KLHL1: variants seen among roughly 807,000 people sequenced by gnomAD.
The protein encoded by KLHL1 is kelch-like protein 1.
In KLHL1, 47 loss-of-function variants were observed where a neutral mutation model predicts 77.7. That is an observed-to-expected ratio of 0.60 (90% confidence interval 0.48 to 0.77). KLHL1 has a LOEUF of 0.77. Ranked by LOEUF, KLHL1 falls within the 30% of genes least tolerant of loss-of-function variation. KLHL1 has a pLI of 0.00. For missense variants in KLHL1, 925 were observed against 910.8 expected (o/e 1.02, Z -0.20); for synonymous variants, 360 against 325.2 (o/e 1.11, Z -1.15).
intron 7 of KLHL1, among the ~76,000 whole-genome samples, chr13:69,746,477 A>G (rs962149644): frequency 6.6e-6 from 1 of 152,038 alleles, no homozygotes; most frequent in Admixed American, 6.6e-5. Flanking sequence ...TTAATCAGCT[A>G]CACTAAGGTT....
intron 6 of KLHL1, among the ~76,000 whole-genome samples, chr13:69,827,729 CAAAAAAAAAAA>C (rs58504097): frequency 0.02 from 1,497 of 73,056 alleles, 28 homozygotes; most frequent in African/African-American, 0.061. Flanking sequence ...GACCCTGTCT[CAAAAAAAAAAA>C]AAAAAAAAAA....
rs938721706 is a variant in KLHL1 at position 70,041,000 on chromosome 13, G to A, written c.498-65198C>T. Among the ~76,000 whole-genome samples, 2 of 151,848 alleles carry A rather than the reference G, an allele frequency of 1.3e-5. 1 individual carries two copies. Among genetic ancestry groups the A allele is most frequent in the Admixed American group, 1.3e-4 (2 of 15,246 alleles). On this transcript the variant is annotated intron_variant, in intron 1 of 10. Transcript: ENST00000377844. ...TTATTTTCATGTTCAGAAATTCTTC[G>A]TTTGACATCTCCACTTTGTTAATGA...
At position 70,107,850 on chromosome 13, in the gene KLHL1, C is replaced by A. The variant is rs1231133925; in HGVS notation, c.-151G>T. ...CAGAAGACGCTAGGTGGGCTGCGCG[C>A]TCTGCCAGGCGAAGGCTGGAGCGCA... On this transcript the variant is annotated 5_prime_UTR_variant, in exon 1 of 11. Coordinates refer to ENST00000377844, the MANE Select transcript of KLHL1 (RefSeq NM_020866.3). 5 of 610,554 alleles carry A rather than the reference C, an allele frequency of 8.2e-6. No individual in the cohort carries two copies. Among genetic ancestry groups the A allele is most frequent in the Non-Finnish European group, 1.3e-5 (5 of 370,624 alleles). The allele number at this position is 610,554 out of a possible 1,614,324, so 37.8% of individuals were successfully genotyped here. A position where few individuals can be genotyped will look rare whatever the true frequency, so the allele number is the denominator to read the frequency against.
At chr13:69,803,659 G>C (rs999961619) in intron 6 of KLHL1, among the ~76,000 whole-genome samples, 8 of 152,202 alleles carry the variant, frequency 5.3e-5, no homozygotes, top group African/African-American at 1.9e-4. Flanking sequence ...GCTAGTGGTA[G>C]ATGGGGAAGG....
intron 8 of KLHL1, among the ~76,000 whole-genome samples, chr13:69,724,435 A>G (rs9542050): frequency 0.99 from 150,670 of 152,096 alleles, 74,643 homozygotes; most frequent in East Asian, 1. Context: ...AAGAATTAAT[A>G]CTAATTCTTC....
intron 1 of KLHL1, among the ~76,000 whole-genome samples, chr13:70,054,984 G>A (rs551764762): frequency 5.4e-5 from 8 of 149,004 alleles, no homozygotes; most frequent in South Asian, 2.2e-4. Context: ...AGGAGATAGA[G>A]ACATAAATTG....
At chr13:69,899,844 A>G (rs952253397) in intron 4 of KLHL1, among the ~76,000 whole-genome samples, 2 of 152,048 alleles carry the variant, frequency 1.3e-5, no homozygotes, top group African/African-American at 2.4e-5. Context: ...GCTCTCCACA[A>G]TCTGGTAGAC....
In KLHL1 at chr13:70,107,454, C is replaced by T. The variant is rs1259294910; in HGVS notation, c.246G>A (p.Pro82=). 1.2e-6 allele frequency: 2 copies of T among 1,613,996 alleles called. No homozygotes were observed. Among genetic ancestry groups the T allele is most frequent in the Middle Eastern group, 1.6e-4 (1 of 6,062 alleles). The change falls in exon 1 of 11, where the codon CCG becomes CCA. Residue 82 remains proline (P), a synonymous_variant. Coordinates refer to ENST00000377844, the MANE Select transcript of KLHL1 (RefSeq NM_020866.3). Reference sequence around the variant, plus strand: ...GATTGAAGGAAGAGGAGGAAGAGGACGGGGAGGACGATGAAGAGGAAGAGG... The same window carrying T: ...GATTGAAGGAAGAGGAGGAAGAGGATGGGGAGGACGATGAAGAGGAAGAGG... ...PSSSSSSSSS[P]SSSSSSFNPL... is the part of the protein sequence containing the mutation.
At chr13:69,892,904 A>T (rs902042469) in intron 4 of KLHL1, among the ~76,000 whole-genome samples, 1 of 152,240 alleles carries the variant, frequency 6.6e-6, no homozygotes, top group Admixed American at 6.5e-5. Context: ...CCACAGAAGC[A>T]TGTAAAATTT....
chr13:69,955,879 TTA>T lies in KLHL1; in HGVS notation c.817+5427_817+5428del, dbSNP rs564124542. On this transcript the variant is annotated intron_variant, in intron 3 of 10. Coordinates refer to ENST00000377844, the MANE Select transcript of KLHL1 (RefSeq NM_020866.3). ...TGAGAAAATACTAGCATATATATAT[TTA>T]TATATATATTTGATATATTTATATA... is the stretch of plus-strand genomic sequence containing the variant. 9.4e-3 allele frequency among the ~76,000 whole-genome samples: 1,338 copies of T among 141,610 alleles called. 25 individuals are homozygous for T. The highest frequency in any genetic ancestry group is 0.03 in the African/African-American group (1,180 of 38,766). 92.9% of individuals were successfully genotyped at this position (141,610 alleles called of 152,430 possible). A position where few individuals can be genotyped will look rare whatever the true frequency, so the allele number is the denominator to read the frequency against.
intron 1 of KLHL1, among the ~76,000 whole-genome samples, chr13:70,084,764 T>G (rs961924228): frequency 1.3e-5 from 2 of 150,918 alleles, no homozygotes; most frequent in African/African-American, 4.9e-5. Flanking sequence ...CGTGAGCCAC[T>G]GCGCCGGGCC....
chr13:69,972,746 G>A (rs1190884644), intron 2 of KLHL1, among the ~76,000 whole-genome samples: 1 of 151,726 alleles, frequency 6.6e-6, no homozygotes, highest in Non-Finnish European at 1.5e-5. Context: ...TGGCTAAGGG[G>A]GAAGAAAACT....
chr13:69,963,877 T>TAA (rs60633551), intron 2 of KLHL1, among the ~76,000 whole-genome samples: 12 of 151,900 alleles, frequency 7.9e-5, no homozygotes, highest in South Asian at 4.1e-4. Flanking sequence ...TGGCAAAAAA[T>TAA]AAAAAAACAT....
At chr13:69,837,258 G>T (rs1240001833) in intron 6 of KLHL1, among the ~76,000 whole-genome samples, 7 of 151,576 alleles carry the variant, frequency 4.6e-5, no homozygotes, top group African/African-American at 1.7e-4. Context: ...ATGTATGTGG[G>T]TGCTAATGGT....
rs529312656 is a variant in KLHL1 at position 69,700,813 on chromosome 13, C to G, written c.*889G>C. 2 of 152,388 alleles carry G rather than the reference C, an allele frequency of 1.3e-5. No individual in the cohort carries two copies. Among genetic ancestry groups the G allele is most frequent in the African/African-American group, 4.8e-5 (2 of 41,522 alleles). 9.4% of individuals were successfully genotyped at this position (152,388 alleles called of 1,614,324 possible). ...TCATAAACACTCCAACTTAATGGAT[C>G]ATATGTTTTTCTTTTGAAATTCTAA... On this transcript the variant is annotated 3_prime_UTR_variant, in exon 11 of 11. Transcript: ENST00000377844.
At chr13:69,994,594 A>G (rs1396448077) in intron 1 of KLHL1, among the ~76,000 whole-genome samples, 2 of 152,128 alleles carry the variant, frequency 1.3e-5, no homozygotes, top group Non-Finnish European at 2.9e-5. Context: ...ACAGTATTGT[A>G]CTAATGTATA....
At chr13:69,733,438 G>T (rs1462139300) in intron 8 of KLHL1, among the ~76,000 whole-genome samples, 1 of 152,036 alleles carries the variant, frequency 6.6e-6, no homozygotes, top group Non-Finnish European at 1.5e-5. Context: ...TTACTGGAAA[G>T]TAATAATAAT....
intron 4 of KLHL1, among the ~76,000 whole-genome samples, chr13:69,921,508 A>T (rs1691273198): frequency 6.6e-6 from 1 of 152,170 alleles, no homozygotes; most frequent in African/African-American, 2.4e-5. Flanking sequence ...CCATGCAATC[A>T]ATCTTTCTTT....
intron 1 of KLHL1, among the ~76,000 whole-genome samples, chr13:69,994,438 G>C (rs186496217): frequency 1.3e-5 from 2 of 152,222 alleles, no homozygotes; most frequent in Admixed American, 1.3e-4. Flanking sequence ...TTTACCAGGA[G>C]CAGATACTTT....
Sources: allele counts gnomAD v4.1 joint callset (sites outside exome capture counted in the v4.1 genomes callset), GRCh38; gene constraint gnomAD v4.1.1; transcripts MANE v1.5; gene names NCBI Gene and HGNC (gene_info 2026-07-23, HGNC 2026-07-21).